CDH16: variants seen among roughly 807,000 people sequenced by gnomAD.
The protein encoded by CDH16 is cadherin-16.
CDH16 carries 79 observed loss-of-function variants against 87.6 expected under a neutral mutation model. That is an observed-to-expected ratio of 0.90 (90% CI 0.75 to 1.09). The LOEUF (loss-of-function observed/expected upper bound fraction) is 1.09. Among genes scored for constraint, CDH16 ranks in the 50% least tolerant of loss-of-function variants. The pLI is 0.00. For synonymous variants in CDH16, 457 were observed against 439.5 expected (o/e 1.04, Z -0.50); for missense variants, 1,124 against 1,071.7 (o/e 1.05, Z -0.68).
chr16:66,908,615 C>T (rs971004937), intron 17 of CDH16, 126 bp from the exon 18 acceptor site: 15 of 775,280 alleles, frequency 1.9e-5, no homozygotes, highest in Non-Finnish European at 2.6e-5. Flanking sequence ...CATCCTGAGG[C>T]TGGGCTGGGT....
chr16:66,908,322 G>A lies in CDH16; in HGVS notation c.*70C>T, dbSNP rs1478107232. 1.6e-6 allele frequency: 2 copies of A among 1,259,832 alleles called. No individual in the cohort carries two copies. The highest frequency in any genetic ancestry group is 2.3e-6 in the Non-Finnish European group (2 of 864,692). The allele number at this position is 1,259,832 out of a possible 1,614,324, so 78.0% of individuals were successfully genotyped here. On this transcript the variant is annotated 3_prime_UTR_variant, in exon 18 of 18. Transcript: ENST00000299752. ...TCCTGTCCCCTGCTGGATCTTGGGTGCTGGGCTCTCTCCCAGGGGACTCAG... is the reference window on the plus strand; with the variant it reads ...TCCTGTCCCCTGCTGGATCTTGGGTACTGGGCTCTCTCCCAGGGGACTCAG...
In CDH16 at chr16:66,916,524, G is replaced by T; in HGVS notation, c.130-95C>A. ...GCCTCATTTTACATGTGGGGAAACT[G>T]AGTCTCAGAGACATCTGGCTCCTGT... is the stretch of plus-strand genomic sequence containing the variant. On this transcript the variant is annotated intron_variant, in intron 3 of 17. Coordinates refer to ENST00000299752, the MANE Select transcript of CDH16 (RefSeq NM_004062.4). The surrounding 1 kb of genome is among the most constrained non-coding windows in gnomAD (Gnocchi z 4.1). The T allele has an allele frequency of 7.3e-7, 1 of 1,366,696 alleles. No homozygotes were observed. 84.7% of individuals were successfully genotyped at this position (1,366,696 alleles called of 1,614,324 possible).
chr16:66,912,661 T>G lies in CDH16; in HGVS notation c.1282+3A>C, dbSNP rs776855806. ...GGCCTGGGTCACCAATCAGGGCACT[T>G]ACCACCCTCTGCGCCTGCCAGGTCC... is the stretch of plus-strand genomic sequence containing the variant. On this transcript the variant is annotated splice_donor_region_variant and intron_variant, in intron 10 of 17. Transcript: ENST00000299752. 2.1e-5 allele frequency: 34 copies of G among 1,613,712 alleles called. No individual in the cohort carries two copies. Among genetic ancestry groups the G allele is most frequent in the Non-Finnish European group, 2.8e-5 (33 of 1,179,952 alleles).
At chr16:66,917,571 G>T in intron 3 of CDH16, 71 bp downstream of exon 3, 1 of 1,042,404 alleles carries the variant, frequency 9.6e-7, no homozygotes, top group Non-Finnish European at 1.5e-6. Flanking sequence ...GAGGAAGGGT[G>T]CCAGAGGAAG....
chr16:66,917,312 A>T (rs1425024868), intron 3 of CDH16, among the ~76,000 whole-genome samples: 1 of 152,142 alleles, frequency 6.6e-6, no homozygotes, highest in Non-Finnish European at 1.5e-5. Flanking sequence ...AAGAAAAAAA[A>T]ATGTATAACG....
At chr16:66,911,520 A>G (rs1962415492) in intron 13 of CDH16, among the ~76,000 whole-genome samples, 1 of 152,116 alleles carries the variant, frequency 6.6e-6, no homozygotes. Context: ...AGAACAGATC[A>G]TGTGGGTAAG....
chr16:66,915,898 C>CA (rs1006119611), intron 5 of CDH16, among the ~76,000 whole-genome samples, 167 bp downstream of exon 5: 4 of 149,004 alleles, frequency 2.7e-5, no homozygotes, highest in Admixed American at 6.7e-5. Context: ...GTCTCCATCT[C>CA]AAAAAAAAGA....
Position 66,912,790 on chromosome 16 carries a change from C to A in CDH16, c.1156G>T (p.Val386Leu), listed in dbSNP as rs1450744276. The change falls in exon 10 of 18, where the codon GTA (valine) becomes TTA (leucine). Residue 386 changes from valine to leucine, a missense_variant. Val to Leu is a conservative substitution (Grantham distance 32). Transcript: ENST00000299752. ...QLLSPEPEDG[V>L]EGRAFQVDPT... ...TCCACCTGGAAGGCTCTCCCCTCTA[C>A]CCCATCCTCAGGCTCAGGGCTCAGG... 6.2e-7 allele frequency: 1 copy of A among 1,613,602 alleles called. No individual in the cohort carries two copies. Among genetic ancestry groups the A allele is most frequent in the East Asian group, 2.2e-5 (1 of 44,882 alleles).
Position 66,909,208 on chromosome 16 carries a change from G to T in CDH16, c.2392+59C>A, listed in dbSNP as rs1370681511. Reference sequence around the variant, plus strand: ...TGGGGACAAAGGTGTTTATTTGGAGGCTGTGGTCCCAACCACCCATCGCCC... The same window carrying T: ...TGGGGACAAAGGTGTTTATTTGGAGTCTGTGGTCCCAACCACCCATCGCCC... On this transcript the variant is annotated intron_variant, in intron 17 of 17. Transcript: ENST00000299752. The surrounding 1 kb of genome is among the most constrained non-coding windows in gnomAD (Gnocchi z 4.1). 9.5e-6 allele frequency: 10 copies of T among 1,052,416 alleles called. No individual in the cohort carries two copies. Among genetic ancestry groups the T allele is most frequent in the African/African-American group, 1.6e-5 (1 of 64,160 alleles). 65.2% of individuals were successfully genotyped at this position (1,052,416 alleles called of 1,614,324 possible). A position where few individuals can be genotyped will look rare whatever the true frequency, so the allele number is the denominator to read the frequency against.
chr16:66,916,228 C>T lies in CDH16; in HGVS notation c.286-25G>A. Reference sequence around the variant, plus strand: ...CCTGGCAGGGAAGGGGAGTCAGCGTCTGGCTCTGCCTTGCCTGCTCTCCCC... The same window carrying T: ...CCTGGCAGGGAAGGGGAGTCAGCGTTTGGCTCTGCCTTGCCTGCTCTCCCC... On this transcript the variant is annotated intron_variant, in intron 4 of 17. Coordinates refer to ENST00000299752, the MANE Select transcript of CDH16 (RefSeq NM_004062.4). This position sits in a 1 kb window ranked among gnomAD's most constrained non-coding sequence, Gnocchi z 4.1. 1.9e-6 allele frequency: 3 copies of T among 1,614,238 alleles called. No individual in the cohort carries two copies. Among genetic ancestry groups the T allele is most frequent in the Non-Finnish European group, 2.5e-6 (3 of 1,180,026 alleles).
Position 66,909,819 on chromosome 16 carries a change from T to C in CDH16, c.2275+167A>G, listed in dbSNP as rs907123099. Among the ~76,000 whole-genome samples the C allele has an allele frequency of 6.6e-6, 1 of 152,190 alleles. No individual in the cohort carries two copies. Among genetic ancestry groups the C allele is most frequent in the East Asian group, 1.9e-4 (1 of 5,192 alleles). ...TCAAAAAAAAATGTATGTGCCTCTG[T>C]GCCTGTTCCTGTGTGCCCAGGTATG... On this transcript the variant is annotated intron_variant, in intron 16 of 17. Coordinates refer to ENST00000299752, the MANE Select transcript of CDH16 (RefSeq NM_004062.4). This position sits in a 1 kb window ranked among gnomAD's most constrained non-coding sequence, Gnocchi z 4.1.
rs1381534761 is a variant in CDH16, at chr16:66,909,309, G to C, written c.2350C>G (p.Leu784Val). The change falls in exon 17 of 18, where the codon CTG becomes GTG. Residue 784 changes from leucine to valine, a missense_variant. Physicochemically the swap from Leu to Val is conservative, Grantham distance 32. Coordinates refer to ENST00000299752, the MANE Select transcript of CDH16 (RefSeq NM_004062.4). This position sits in a 1 kb window ranked among gnomAD's most constrained non-coding sequence, Gnocchi z 4.1. ...CCTACAAGGATGCCCACTGCCGACAGCTTCGTGGGCATGCCCTTCATGCGG... is the reference window on the plus strand; with the variant it reads ...CCTACAAGGATGCCCACTGCCGACACCTTCGTGGGCATGCCCTTCATGCGG... ...VGRMKGMPTKLSAVGILVGTL... is the reference protein window; with the variant it reads ...VGRMKGMPTKVSAVGILVGTL... 10 of 1,613,646 alleles carry C rather than the reference G, an allele frequency of 6.2e-6. No homozygotes were observed. The highest frequency in any genetic ancestry group is 8.5e-6 in the Non-Finnish European group (10 of 1,179,826).
In CDH16 at chr16:66,909,399, A is replaced by G. The variant is rs1037673161; in HGVS notation, c.2276-16T>C. On this transcript the variant is annotated splice_polypyrimidine_tract_variant and intron_variant, in intron 16 of 17. Coordinates refer to ENST00000299752, the MANE Select transcript of CDH16 (RefSeq NM_004062.4). This position sits in a 1 kb window ranked among gnomAD's most constrained non-coding sequence, Gnocchi z 4.1. ...CACACGATCACTGAGGGGAGAGGGG[A>G]GGAAGGTAAGGGGAGGGAGGGGAGG... is the stretch of plus-strand genomic sequence containing the variant. 2 of 652,972 alleles carry G rather than the reference A, an allele frequency of 3.1e-6. No homozygotes were observed. The highest frequency in any genetic ancestry group is 5.3e-6 in the Non-Finnish European group (2 of 377,004). The allele number at this position is 652,972 out of a possible 1,614,324, so 40.4% of individuals were successfully genotyped here.
In CDH16 at chr16:66,916,465, C is replaced by A. The variant is rs1475595431; in HGVS notation, c.130-36G>T. 1.3e-6 allele frequency: 2 copies of A among 1,546,338 alleles called. No individual in the cohort carries two copies. Among genetic ancestry groups the A allele is most frequent in the African/African-American group, 2.7e-5 (2 of 73,100 alleles). On this transcript the variant is annotated intron_variant, in intron 3 of 17. Transcript: ENST00000299752. This position sits in a 1 kb window ranked among gnomAD's most constrained non-coding sequence, Gnocchi z 4.1. ...TGAACAGAAGTGAAGGGAGCGGTGG[C>A]CAGGCCTGGGAGATGCCCCTCCTCC... is the stretch of plus-strand genomic sequence containing the variant.
chr16:66,918,344 C>G (rs1962780815), intron 1 of CDH16, among the ~76,000 whole-genome samples: 1 of 152,238 alleles, frequency 6.6e-6, no homozygotes, highest in Admixed American at 6.5e-5. Context: ...CTCCTTCTCA[C>G]CATAGCCTCC....
At chr16:66,914,589 A>G (rs1299570077) in intron 6 of CDH16, among the ~76,000 whole-genome samples, 177 bp from the exon 7 acceptor site, 3 of 152,240 alleles carry the variant, frequency 2.0e-5, no homozygotes, top group Non-Finnish European at 4.4e-5. Context: ...AGGACATGAC[A>G]GTTTGCAAAG....
At position 66,908,275 on chromosome 16, in the gene CDH16, A is replaced by G; in HGVS notation, c.*117T>C. 2 of 772,864 alleles carry G rather than the reference A, an allele frequency of 2.6e-6. No homozygotes were observed. The highest frequency in any genetic ancestry group is 4.4e-6 in the Non-Finnish European group (2 of 459,404). The allele number at this position is 772,864 out of a possible 1,614,324, so 47.9% of individuals were successfully genotyped here. A position where few individuals can be genotyped will look rare whatever the true frequency, so the allele number is the denominator to read the frequency against. ...GGTGATGGTGCCTCCACCCCAGGGC[A>G]GATGGAGGGGCTTCTACTCTGTCCT... is the stretch of plus-strand genomic sequence containing the variant. On this transcript the variant is annotated 3_prime_UTR_variant, in exon 18 of 18. Coordinates refer to ENST00000299752, the MANE Select transcript of CDH16 (RefSeq NM_004062.4).
intron 12 of CDH16, 34 bp from the exon 13 acceptor site, chr16:66,912,174 CTGGG>C (rs765161674): frequency 3.1e-6 from 5 of 1,605,154 alleles, no homozygotes; most frequent in East Asian, 4.5e-5. Context: ...CTGTGCGGGC[CTGGG>C]CAAGGCACAT....
In CDH16 at chr16:66,914,380, T is replaced by A. The variant is rs1962582372; in HGVS notation, c.616A>T (p.Thr206Ser). Reference protein sequence around the residue: ...STSLDHALERTYQLLVQVKDM... With the variant: ...STSLDHALERSYQLLVQVKDM... ...TTGACCTGTACCAACAGCTGGTAGG[T>A]CCTCTCCAGGGCGTGGTCAAGGCTG... Residue 206 changes from threonine (T) to serine (S), a missense_variant, in exon 7 of 18, where the codon ACC (threonine) becomes TCC (serine). Transcript: ENST00000299752. 6.2e-7 allele frequency: 1 copy of A among 1,613,956 alleles called. No homozygotes were observed. Among genetic ancestry groups the A allele is most frequent in the Admixed American group, 1.7e-5 (1 of 59,996 alleles).
Sources: gnomAD v4.1 joint callset for allele counts (sites outside exome capture counted in the v4.1 genomes callset) on GRCh38, gnomAD v4.1.1 for gene constraint, Gnocchi (gnomAD v3.1) non-coding constraint, MANE v1.5 for transcripts, NCBI Gene and HGNC (gene_info 2026-07-23, HGNC 2026-07-21) for gene names.